SLC39A11: variants seen among roughly 807,000 people sequenced by gnomAD.
The protein encoded by SLC39A11 is solute carrier family 39 member 11.
A neutral mutation model predicts 36.1 loss-of-function variants in SLC39A11; 33 were observed. The ratio of observed to expected loss-of-function variants is 0.91; its 90% CI spans 0.69 to 1.22. The LOEUF (loss-of-function observed/expected upper bound fraction) is 1.22, where lower values mean the gene tolerates loss of function less well. Ranked by LOEUF, SLC39A11 falls within the 50% of genes most tolerant of loss-of-function variation. The pLI is 0.00. For missense variants in SLC39A11, 432 were observed against 430.3 expected, an observed-to-expected ratio of 1.00 and a Z score of -0.03; for synonymous variants, 166 against 170.3, an observed-to-expected ratio of 0.97 and a Z score of 0.20.
At chr17:73,014,104 A>AGAGCCC (rs2090677938) in intron 4 of SLC39A11, among the ~76,000 whole-genome samples, 1 of 152,162 alleles carries the variant, frequency 6.6e-6, no homozygotes, top group Non-Finnish European at 1.5e-5. Context: ...CATCCTCTGC[A>AGAGCCC]GAGCCCACTC....
intron 7 of SLC39A11, among the ~76,000 whole-genome samples, chr17:72,684,169 A>C (rs1378800184): frequency 6.6e-6 from 1 of 152,140 alleles, no homozygotes; most frequent in South Asian, 2.1e-4. Flanking sequence ...GGCTCCCTGG[A>C]CAGCTCATGA....
chr17:72,933,365 G>A (rs189868605), intron 5 of SLC39A11, among the ~76,000 whole-genome samples: 1 of 152,302 alleles, frequency 6.6e-6, no homozygotes, highest in East Asian at 1.9e-4. Flanking sequence ...ACCAACGGTA[G>A]AGTATGTATG....
intron 3 of SLC39A11, among the ~76,000 whole-genome samples, chr17:73,039,237 G>C (rs980787910): frequency 2.0e-5 from 3 of 151,972 alleles, no homozygotes; most frequent in African/African-American, 7.2e-5. Flanking sequence ...GTGCTGTTTT[G>C]GATTCATCCC....
At chr17:72,690,417 T>A (rs760530243) in intron 7 of SLC39A11, among the ~76,000 whole-genome samples, 10 of 152,172 alleles carry the variant, frequency 6.6e-5, no homozygotes, top group Non-Finnish European at 1.0e-4. Context: ...CTGGGGGTAC[T>A]CACACGGGGT....
chr17:72,707,911 C>A (rs574370543), intron 7 of SLC39A11, among the ~76,000 whole-genome samples: 2 of 152,292 alleles, frequency 1.3e-5, no homozygotes, highest in East Asian at 3.9e-4. Flanking sequence ...CAGTAAGAGG[C>A]AAGTCAATAG....
At chr17:73,088,633 C>T in intron 2 of SLC39A11, 24 bp downstream of exon 2, 1 of 1,596,222 alleles carries the variant, frequency 6.3e-7, no homozygotes, top group Admixed American at 1.7e-5. Context: ...CACCAACATC[C>T]AGAACCAAAG....
At chr17:72,942,570 G>A (rs1052832529) in intron 5 of SLC39A11, among the ~76,000 whole-genome samples, 1 of 152,132 alleles carries the variant, frequency 6.6e-6, no homozygotes, top group Non-Finnish European at 1.5e-5. Flanking sequence ...CACTAAATTT[G>A]ACTGGAAATA....
intron 7 of SLC39A11, among the ~76,000 whole-genome samples, chr17:72,718,546 C>T (rs865887778): frequency 6.6e-6 from 1 of 150,900 alleles, no homozygotes; most frequent in South Asian, 2.1e-4. Flanking sequence ...ATTTCCCACA[C>T]GACTTTGGGG....
chr17:73,069,908 C>CA lies in SLC39A11; in HGVS notation c.147+14899dup, dbSNP rs1030445523. On this transcript the variant is annotated intron_variant, in intron 3 of 9. Coordinates refer to ENST00000255559, the MANE Select transcript of SLC39A11 (RefSeq NM_139177.4). The stretch of plus-strand genomic sequence containing the variant: ...GCTAGCTAAACACTCAATTAGGTTA[C>CA]AAAAAAAAAGTATAAAGTCTTGCTT... Among the ~76,000 whole-genome samples the CA allele has an allele frequency of 6.2e-4, 94 of 151,064 alleles. No homozygotes were observed. In the South Asian group the frequency reaches 7.9e-3, roughly 13 times the overall value.
intron 4 of SLC39A11, among the ~76,000 whole-genome samples, chr17:72,972,037 T>C (rs1041290078): frequency 1.3e-5 from 2 of 152,170 alleles, no homozygotes; most frequent in Non-Finnish European, 2.9e-5. Flanking sequence ...AGAATCATTA[T>C]TAAACCAAAT....
At chr17:72,650,988 C>T (rs1019295768) in intron 7 of SLC39A11, among the ~76,000 whole-genome samples, 23 of 151,998 alleles carry the variant, frequency 1.5e-4, no homozygotes, top group Admixed American at 1.4e-3. Flanking sequence ...AGGGTTTGGC[C>T]TTTACCCTGT....
intron 6 of SLC39A11, among the ~76,000 whole-genome samples, chr17:72,757,864 G>A (rs1188863497): frequency 6.6e-6 from 1 of 151,968 alleles, no homozygotes; most frequent in Non-Finnish European, 1.5e-5. Flanking sequence ...GGACCTAGGA[G>A]GTGCTCAGTT....
At position 72,719,884 on chromosome 17, in the gene SLC39A11, C is replaced by T. The variant is rs567928056; in HGVS notation, c.671+16766G>A. ...CCCCTTGTGCTGCTCATGGAGGAGACGCTGCTGCCCGGCGGATGGGGGAGG... is the reference window on the plus strand; with the variant it reads ...CCCCTTGTGCTGCTCATGGAGGAGATGCTGCTGCCCGGCGGATGGGGGAGG... On this transcript the variant is annotated intron_variant, in intron 7 of 9. Transcript: ENST00000255559. Among the ~76,000 whole-genome samples the T allele has an allele frequency of 7.2e-5, 11 of 152,240 alleles. 1 individual carries two copies. The highest frequency in any genetic ancestry group is 1.2e-4 in the Non-Finnish European group (8 of 68,030).
chr17:72,802,480 C>T (rs956593035), intron 6 of SLC39A11, among the ~76,000 whole-genome samples: 3 of 151,202 alleles, frequency 2.0e-5, no homozygotes, highest in African/African-American at 4.9e-5. Flanking sequence ...ATCCCAGCTA[C>T]TTGGGAGGCT....
chr17:72,690,112 G>A (rs2071954969), intron 7 of SLC39A11, among the ~76,000 whole-genome samples: 1 of 152,186 alleles, frequency 6.6e-6, no homozygotes, highest in African/African-American at 2.4e-5. Flanking sequence ...GACGCGCTGG[G>A]GCAAGCGAGG....
intron 5 of SLC39A11, among the ~76,000 whole-genome samples, chr17:72,901,225 G>A (rs960283324): frequency 1.3e-5 from 2 of 152,226 alleles, no homozygotes; most frequent in African/African-American, 4.8e-5. Context: ...GAGCTGGAGC[G>A]CATGGGAAGT....
At chr17:72,979,698 C>A (rs1274815291) in intron 4 of SLC39A11, among the ~76,000 whole-genome samples, 1 of 152,150 alleles carries the variant, frequency 6.6e-6, no homozygotes, top group Non-Finnish European at 1.5e-5. Context: ...CTGCAGAGCT[C>A]ACACTAACCC....
intron 4 of SLC39A11, among the ~76,000 whole-genome samples, chr17:72,986,035 CT>C (rs2088722103): frequency 6.6e-6 from 1 of 152,192 alleles, no homozygotes; most frequent in Non-Finnish European, 1.5e-5. Context: ...GGAGCTCATC[CT>C]TCCCTGGAGC....
intron 5 of SLC39A11, among the ~76,000 whole-genome samples, chr17:72,912,342 C>G (rs1380261639): frequency 6.6e-6 from 1 of 151,950 alleles, no homozygotes; most frequent in African/African-American, 2.4e-5. Context: ...ACACAGAAGA[C>G]CTCAAGGCAA....
Sources: allele counts gnomAD v4.1 joint callset (sites outside exome capture counted in the v4.1 genomes callset), GRCh38; gene constraint gnomAD v4.1.1; transcripts MANE v1.5; gene names NCBI Gene and HGNC (gene_info 2026-07-23, HGNC 2026-07-21).